Variants in NTN1 observed in about 807,000 individuals in gnomAD.
The protein encoded by NTN1 is netrin-1.
In NTN1, 11 loss-of-function variants were observed where a neutral mutation model predicts 54.2. The ratio of observed to expected loss-of-function variants is 0.20; its 90% confidence interval spans 0.13 to 0.34. NTN1 has a LOEUF of 0.34. NTN1 is among the 10% of genes least tolerant of loss of function. The pLI is 1.00. For synonymous variants in NTN1, 371 were observed against 382.0 expected, an observed-to-expected ratio of 0.97 and a Z score of 0.33; for missense variants, 740 against 893.1, an observed-to-expected ratio of 0.83 and a Z score of 2.18.
intron 2 of NTN1, among the ~76,000 whole-genome samples, chr17:9,150,945 C>T (rs867031560): frequency 3.9e-5 from 6 of 152,316 alleles, no homozygotes; most frequent in Admixed American, 2.0e-4. Context: ...CCCGTGACCC[C>T]GGTATCCTTA....
In NTN1 at chr17:9,023,251, G is replaced by A. The variant is rs1300880577; in HGVS notation, c.878G>A (p.Arg293His). 28 of 1,564,612 alleles carry A rather than the reference G, an allele frequency of 1.8e-5. No homozygotes were observed. The Middle Eastern group carries it at 5.0e-4, about 28-fold the overall frequency. ...GRCKCNGHAARCVRDRDDSLV... is the reference protein window; with the variant it reads ...GRCKCNGHAAHCVRDRDDSLV... ...TGCAAGTGCAACGGCCACGCGGCCC[G>A]CTGCGTGCGCGACCGCGACGACAGC... The change falls in exon 2 of 7, where the codon CGC (arginine) becomes CAC (histidine). Residue 293 changes from arginine (R) to histidine (H), a missense_variant. Physicochemically the swap from Arg to His is conservative, Grantham distance 29. Transcript: ENST00000173229.
At chr17:9,206,887 G>C (rs17742936) in intron 5 of NTN1, among the ~76,000 whole-genome samples, 27,025 of 152,114 alleles carry the variant, frequency 0.18, 3,021 homozygotes, top group Non-Finnish European at 0.26. Context: ...TCCAAGCTTC[G>C]CTTTTTAAGT....
intron 3 of NTN1, among the ~76,000 whole-genome samples, chr17:9,166,330 C>G (rs1000038687): frequency 6.8e-6 from 1 of 148,126 alleles, no homozygotes; most frequent in African/African-American, 2.5e-5. Flanking sequence ...GTGCTGCCCC[C>G]AGGCTCTGGC....
chr17:9,130,106 C>G (rs2092259807), intron 2 of NTN1, among the ~76,000 whole-genome samples: 1 of 152,130 alleles, frequency 6.6e-6, no homozygotes, highest in South Asian at 2.1e-4. Flanking sequence ...TCTGGTGACA[C>G]CTGGGTCAGG....
intron 5 of NTN1, among the ~76,000 whole-genome samples, chr17:9,197,065 G>A (rs1410714082): frequency 6.6e-6 from 1 of 151,790 alleles, no homozygotes; most frequent in African/African-American, 2.4e-5. Flanking sequence ...CAGAGAGCCA[G>A]TTGTCAGACA....
At chr17:9,013,703 G>A in the NTN1 span, among the ~76,000 whole-genome samples, 11 of 152,218 alleles carry the variant, frequency 7.2e-5, no homozygotes, top group Admixed American at 4.6e-4. Flanking sequence ...GAGGTTTCAC[G>A]AGGGGATTCC....
chr17:9,236,949 G>A lies in NTN1; in HGVS notation c.1487-2691G>A, dbSNP rs1906010728. ...CTGCTATGACCCCAGGGAGTGAGAA[G>A]GCCCCCTGGGAGGCCTCTGCAGGAA... On this transcript the variant is annotated intron_variant, in intron 6 of 6. Coordinates refer to ENST00000173229, the MANE Select transcript of NTN1 (RefSeq NM_004822.3). Among the ~76,000 whole-genome samples, 3 of 152,098 alleles carry A rather than the reference G, an allele frequency of 2.0e-5. No individual in the cohort carries two copies. The South Asian group carries it at 6.2e-4, about 32-fold the overall frequency.
intron 2 of NTN1, among the ~76,000 whole-genome samples, chr17:9,057,176 C>G: frequency 6.6e-6 from 1 of 151,552 alleles, no homozygotes; most frequent in East Asian, 1.9e-4. Context: ...TTTTTGCCCC[C>G]CACCCCCACT....
Position 9,165,831 on chromosome 17 carries a change from T to C in NTN1, c.1207+2830T>C, listed in dbSNP as rs1390675147. On this transcript the variant is annotated intron_variant, in intron 3 of 6. Coordinates refer to ENST00000173229, the MANE Select transcript of NTN1 (RefSeq NM_004822.3). This position sits in a 1 kb window ranked among gnomAD's most constrained non-coding sequence, Gnocchi z 4.5. The stretch of plus-strand genomic sequence containing the variant: ...ACAGGGCTTTGAGGTTTCTGCTTTC[T>C]GATTGGTGAGAAAAAGCATTGCCCA... Among the ~76,000 whole-genome samples, 7 of 152,202 alleles carry C rather than the reference T, an allele frequency of 4.6e-5. No homozygotes were observed. Among genetic ancestry groups the C allele is most frequent in the Admixed American group, 2.0e-4 (3 of 15,282 alleles).
chr17:9,119,924 G>A (rs1481153562), intron 2 of NTN1, among the ~76,000 whole-genome samples: 4 of 152,022 alleles, frequency 2.6e-5, no homozygotes, highest in African/African-American at 9.7e-5. Flanking sequence ...ATTTGTATAC[G>A]TTCTTTTGAG....
intron 5 of NTN1, among the ~76,000 whole-genome samples, chr17:9,192,964 C>G (rs1257154378): frequency 2.0e-5 from 3 of 151,636 alleles, no homozygotes; most frequent in African/African-American, 7.3e-5. Context: ...CCTGTAGTCC[C>G]AGCTACGCAG....
intron 5 of NTN1, among the ~76,000 whole-genome samples, chr17:9,197,891 G>C (rs1038815207): frequency 6.6e-6 from 1 of 152,104 alleles, no homozygotes. Context: ...ATCTTCCCAT[G>C]GTCCAAGATA....
intron 2 of NTN1, among the ~76,000 whole-genome samples, chr17:9,081,683 T>A (rs1017130668): frequency 6.6e-6 from 1 of 152,030 alleles, no homozygotes; most frequent in Admixed American, 6.6e-5. Context: ...ATATCTTCAC[T>A]CCCGGGAAGA....
chr17:9,144,728 G>A (rs2092308251), intron 2 of NTN1, among the ~76,000 whole-genome samples: 3 of 152,246 alleles, frequency 2.0e-5, no homozygotes, highest in Admixed American at 2.0e-4. Flanking sequence ...TCGCTCCCCG[G>A]CCTCCCAGCC....
At chr17:9,124,026 T>G (rs1256452931) in intron 2 of NTN1, among the ~76,000 whole-genome samples, 6 of 152,170 alleles carry the variant, frequency 3.9e-5, no homozygotes, top group African/African-American at 1.4e-4. Context: ...CAGCAAATGC[T>G]CAGGTCTTCT....
Position 9,221,490 on chromosome 17 carries a change from A to C in NTN1, c.1486+248A>C, listed in dbSNP as rs577539231. On this transcript the variant is annotated intron_variant, in intron 6 of 6. Transcript: ENST00000173229. The surrounding 1 kb of genome is among the most constrained non-coding windows in gnomAD (Gnocchi z 4.5). Reference sequence around the variant, plus strand: ...TCACCCTCCTGAGGCTGGGACACCCAGGCTGGCCTCTGGCTTTGACTCTGC... The same window carrying C: ...TCACCCTCCTGAGGCTGGGACACCCCGGCTGGCCTCTGGCTTTGACTCTGC... Among the ~76,000 whole-genome samples, 2 of 152,282 alleles carry C rather than the reference A, an allele frequency of 1.3e-5. No individual in the cohort carries two copies. The highest frequency in any genetic ancestry group is 3.9e-4 in the East Asian group (2 of 5,174).
chr17:9,063,841 A>ATTT (rs55928913), intron 2 of NTN1, among the ~76,000 whole-genome samples: 24 of 150,484 alleles, frequency 1.6e-4, no homozygotes, highest in Non-Finnish European at 1.9e-4. Context: ...AGCCCCAAAG[A>ATTT]TTTTTTTTTT....
intron 6 of NTN1, among the ~76,000 whole-genome samples, chr17:9,232,527 G>T (rs1425831370): frequency 6.6e-6 from 1 of 152,122 alleles, no homozygotes; most frequent in Non-Finnish European, 1.5e-5. Flanking sequence ...GGGTCATCCT[G>T]TTCTGTCTTT....
chr17:9,209,295 G>T (rs1567739367), intron 5 of NTN1, among the ~76,000 whole-genome samples: 1 of 152,214 alleles, frequency 6.6e-6, no homozygotes, highest in East Asian at 1.9e-4. Context: ...ACGTCCTGGG[G>T]CCAGAAGTAG....
Sources: allele counts gnomAD v4.1 joint callset (sites outside exome capture counted in the v4.1 genomes callset), GRCh38; gene constraint gnomAD v4.1.1; non-coding constraint Gnocchi (gnomAD v3.1); transcripts MANE v1.5; gene names NCBI Gene and HGNC (gene_info 2026-07-23, HGNC 2026-07-21).